The following IRX4 variants were observed in gnomAD, a reference collection of about 807,000 sequenced individuals.
The protein encoded by IRX4 is iroquois homeobox 4.
A neutral mutation model predicts 32.0 loss-of-function variants in IRX4; 22 were observed. The observed-to-expected ratio is 0.69, with a 90% CI of 0.49 to 0.98. IRX4 has a LOEUF of 0.98. Among genes scored for constraint, IRX4 ranks in the 50% least tolerant of loss-of-function variants. IRX4 has a pLI of 0.00. For missense variants in IRX4, 840 were observed against 744.2 expected (o/e 1.13, Z -1.50); for synonymous variants, 379 against 351.7 (o/e 1.08, Z -0.87).
intron 1 of IRX4, 67 bp from the exon 2 acceptor site, chr5:1,882,126 AT>A: frequency 6.7e-7 from 1 of 1,492,186 alleles, no homozygotes; most frequent in Non-Finnish European, 8.9e-7. Flanking sequence ...GGCCTTGCCA[AT>A]CCCGCGCGCC....
chr5:1,883,993 C>T (rs1735547828), upstream of IRX4: 1 of 152,318 alleles, frequency 6.6e-6, no homozygotes, highest in Non-Finnish European at 1.5e-5. Context: ...GTCTGGGGCG[C>T]ACGGAGCAAT....
At chr5:1,880,113 T>C (rs1178358343) in intron 3 of IRX4, 2 of 1,535,534 alleles carry the variant, frequency 1.3e-6, no homozygotes, top group Non-Finnish European at 1.7e-6. Flanking sequence ...GGCCAATTCC[T>C]TTATGGGGAT....
Position 1,877,700 on chromosome 5 carries a change from G to T in IRX4, c.*269C>A, listed in dbSNP as rs559941079. The T allele has an allele frequency of 1.6e-5, 8 of 486,208 alleles. No homozygotes were observed. In the South Asian group the frequency reaches 2.6e-4, roughly 16 times the overall value. The allele number at this position is 486,208 out of a possible 1,614,324, so 30.1% of individuals were successfully genotyped here. ...TTTGACGTAAACTTTATGCTTCAGG[G>T]TATCTGGCCTCTTCTGCTCCGAGAG... On this transcript the variant is annotated 3_prime_UTR_variant, in exon 5 of 5. Transcript: ENST00000231357.
chr5:1,877,598 C>T lies in IRX4; in HGVS notation c.*371G>A, dbSNP rs377187612. ...CGTGCTGAGGATGAAATCGGAGGCC[C>T]GACAGGCCCAGGAGGCCTCACGCCC... is the stretch of plus-strand genomic sequence containing the variant. On this transcript the variant is annotated 3_prime_UTR_variant, in exon 5 of 5. Transcript: ENST00000231357. 6 of 256,940 alleles carry T rather than the reference C, an allele frequency of 2.3e-5. No homozygotes were observed. Among genetic ancestry groups the T allele is most frequent in the African/African-American group, 4.5e-5 (2 of 44,166 alleles). 15.9% of individuals were successfully genotyped at this position (256,940 alleles called of 1,614,324 possible).
At position 1,877,847 on chromosome 5, in the gene IRX4, C is replaced by G; in HGVS notation, c.*122G>C. The G allele has an allele frequency of 1.1e-6, 1 of 909,528 alleles. No homozygotes were observed. The highest frequency in any genetic ancestry group is 3.0e-5 in the East Asian group (1 of 33,688). The allele number at this position is 909,528 out of a possible 1,614,324, so 56.3% of individuals were successfully genotyped here. On this transcript the variant is annotated 3_prime_UTR_variant, in exon 5 of 5. Transcript: ENST00000231357. ...CCCAGGAGTCCAAGTTCAGAAGCCC[C>G]CTCTCCGGTGGGTTGGCGGCTTCGC...
chr5:1,882,828 C>T lies in IRX4; in HGVS notation c.-181G>A. On this transcript the variant is annotated 5_prime_UTR_variant, in exon 1 of 5. Transcript: ENST00000231357. ...TCTAACCGGGTAACAAAGTGAGCAG[C>T]GGTGGCCGCCGCGATTCCTTTAACT... The T allele has an allele frequency of 2.6e-6, 1 of 390,480 alleles. No homozygotes were observed. The highest frequency in any genetic ancestry group is 4.6e-6 in the Non-Finnish European group (1 of 217,270). The allele number at this position is 390,480 out of a possible 1,614,324, so 24.2% of individuals were successfully genotyped here. A position where few individuals can be genotyped will look rare whatever the true frequency, so the allele number is the denominator to read the frequency against.
At position 1,878,123 on chromosome 5, in the gene IRX4, G is replaced by A. The variant is rs1211071129; in HGVS notation, c.1406C>T (p.Pro469Leu). ...GCCCGCCCCCAGCGAGCGTCCCAGA[G>A]GCCCGGGGTCCAGGAGGGCGCCCTT... ...TAKGALLDPG[P>L]LGRSLGAGAN... The change falls in exon 5 of 5, where the codon CCT becomes CTT. Residue 469 changes from proline to leucine, a missense_variant. Transcript: ENST00000231357. 6.5e-7 allele frequency: 1 copy of A among 1,546,616 alleles called. No homozygotes were observed. The highest frequency in any genetic ancestry group is 8.7e-7 in the Non-Finnish European group (1 of 1,151,714).
chr5:1,878,562 C>T lies in IRX4; in HGVS notation c.967G>A (p.Ala323Thr). Residue 323 changes from alanine (A) to threonine (T), a missense_variant, in exon 5 of 5, where the codon GCC becomes ACC. Around this residue, in one of 3 missense-constraint regions of IRX4, gnomAD observed 585 missense variants for 488.0 expected, o/e 1.20. Transcript: ENST00000231357. ...GAALDEDLERARSCLRSAAAG... is the reference protein window; with the variant it reads ...GAALDEDLERTRSCLRSAAAG... The stretch of plus-strand genomic sequence containing the variant: ...GCCGCGCTGCGGAGACAGCTCCGGG[C>T]CCTCTCCAGGTCCTCGTCCAGAGCA... 5.2e-6 allele frequency: 8 copies of T among 1,542,328 alleles called. No homozygotes were observed. The highest frequency in any genetic ancestry group is 7.0e-6 in the Non-Finnish European group (8 of 1,145,308).
chr5:1,882,205 C>A (rs1485019947), intron 1 of IRX4, 146 bp from the exon 2 acceptor site: 3 of 1,009,464 alleles, frequency 3.0e-6, no homozygotes, highest in Non-Finnish European at 1.4e-6. Flanking sequence ...TCGCCCCTTT[C>A]CACTAGCTTG....
chr5:1,878,729 T>C lies in IRX4; in HGVS notation c.800A>G (p.Glu267Gly), dbSNP rs747005381. Residue 267 changes from glutamate (E) to glycine (G), a missense_variant, in exon 5 of 5, where the codon GAA (glutamate) becomes GGA (glycine). This residue lies in a region of IRX4 where 585 missense variants were observed against 488.0 expected (regional missense o/e 1.20). Coordinates refer to ENST00000231357, the MANE Select transcript of IRX4 (RefSeq NM_016358.3). ...CAGCTCGCACGCCGGCGGCTCTGCT[T>C]CCAGCGGGTCGAAGTCGTCCAAGTC... ...LSDLDDFDPL[E>G]AEPPACELKP... The C allele has an allele frequency of 6.2e-7, 1 of 1,612,960 alleles. No individual in the cohort carries two copies. Among genetic ancestry groups the C allele is most frequent in the South Asian group, 1.1e-5 (1 of 91,078 alleles).
chr5:1,881,774 G>T, intron 2 of IRX4, 34 bp downstream of exon 2: 1 of 1,562,584 alleles, frequency 6.4e-7, no homozygotes. Flanking sequence ...TCGAGGGCCA[G>T]GGGCAGGGCA....
At position 1,879,454 on chromosome 5, in the gene IRX4, T is replaced by A. The variant is rs372719483; in HGVS notation, c.736+50A>T. On this transcript the variant is annotated intron_variant, in intron 4 of 4. Transcript: ENST00000231357. Reference sequence around the variant, plus strand: ...CGTCCTAGAACCGCAGAGAAGGCACTGTGCCTGCACTCCAGGGCCTCAGCC... The same window carrying A: ...CGTCCTAGAACCGCAGAGAAGGCACAGTGCCTGCACTCCAGGGCCTCAGCC... The A allele has an allele frequency of 7.4e-6, 12 of 1,611,962 alleles. No homozygotes were observed. The Admixed American group carries it at 1.0e-4, about 13-fold the overall frequency.
In IRX4 at chr5:1,882,667, G is replaced by A; in HGVS notation, c.-20C>T. The A allele has an allele frequency of 7.3e-7, 1 of 1,375,390 alleles. No individual in the cohort carries two copies. The highest frequency in any genetic ancestry group is 9.4e-7 in the Non-Finnish European group (1 of 1,061,358). 85.2% of individuals were successfully genotyped at this position (1,375,390 alleles called of 1,614,324 possible). On this transcript the variant is annotated 5_prime_UTR_variant, in exon 1 of 5. Coordinates refer to ENST00000231357, the MANE Select transcript of IRX4 (RefSeq NM_016358.3). ...GGACATGGCGGGCGCGGCCCGGGGC[G>A]GACGGGCGGGGCCTGCAGGGTTCTG...
chr5:1,881,331 C>T (rs1439275876), intron 2 of IRX4, among the ~76,000 whole-genome samples: 5 of 85,832 alleles, frequency 5.8e-5, no homozygotes, highest in African/African-American at 2.4e-4. Context: ...GGGGGAGGAG[C>T]AAGGGTGGGG....
chr5:1,881,822 C>G lies in IRX4; in HGVS notation c.283G>C (p.Ala95Pro). 1 of 1,563,966 alleles carries G rather than the reference C, an allele frequency of 6.4e-7. No individual in the cohort carries two copies. The highest frequency in any genetic ancestry group is 8.7e-7 in the Non-Finnish European group (1 of 1,155,324). The change falls in exon 2 of 5, where the codon GCC becomes CCC. Residue 95 changes from alanine (A) to proline (P), a missense_variant. Coordinates refer to ENST00000231357, the MANE Select transcript of IRX4 (RefSeq NM_016358.3). ...GCCCCACTTACCAGCGAGTAGAAGG[C>G]GGACGCCTCCGAGCCGTAGGTCACG... The part of the protein sequence containing the change: ...NYVTYGSEAS[A>P]FYSLNSFDSK...
rs140209114 is a variant in IRX4, at chr5:1,877,850, C to T, written c.*119G>A. On this transcript the variant is annotated 3_prime_UTR_variant, in exon 5 of 5. Transcript: ENST00000231357. Reference sequence around the variant, plus strand: ...AGGAGTCCAAGTTCAGAAGCCCCCTCTCCGGTGGGTTGGCGGCTTCGCGGT... The same window carrying T: ...AGGAGTCCAAGTTCAGAAGCCCCCTTTCCGGTGGGTTGGCGGCTTCGCGGT... The T allele has an allele frequency of 4.8e-5, 45 of 945,484 alleles. No homozygotes were observed. In the East Asian group the frequency reaches 1.1e-3, roughly 24 times the overall value. The allele number at this position is 945,484 out of a possible 1,614,324, so 58.6% of individuals were successfully genotyped here.
chr5:1,878,459 C>A lies in IRX4; in HGVS notation c.1070G>T (p.Gly357Val). ...CTTAGCCTCCAGGCCTGCCGACGCCCCCGCCGGCACAAACCCCAGCTTGGC... is the reference window on the plus strand; with the variant it reads ...CTTAGCCTCCAGGCCTGCCGACGCCACCGCCGGCACAAACCCCAGCTTGGC... ...CEAKLGFVPA[G>V]ASAGLEAKPR... Residue 357 changes from glycine to valine, a missense_variant, in exon 5 of 5, where the codon GGG becomes GTG. Physicochemically the swap from Gly to Val is moderately radical, Grantham distance 109. Coordinates refer to ENST00000231357, the MANE Select transcript of IRX4 (RefSeq NM_016358.3). 6.9e-7 allele frequency: 1 copy of A among 1,454,508 alleles called. No homozygotes were observed. The highest frequency in any genetic ancestry group is 9.0e-7 in the Non-Finnish European group (1 of 1,109,354). The allele number at this position is 1,454,508 out of a possible 1,614,324, so 90.1% of individuals were successfully genotyped here.
intron 2 of IRX4, chr5:1,881,099 G>C (rs1483105888): frequency 6.1e-6 from 3 of 492,552 alleles, no homozygotes; most frequent in South Asian, 4.3e-5. Context: ...TGTGGGGAGC[G>C]GGGATGTGGA....
chr5:1,880,197 G>C (rs952432057), intron 3 of IRX4: 1 of 1,407,574 alleles, frequency 7.1e-7, no homozygotes, highest in Non-Finnish European at 9.7e-7. Flanking sequence ...GATGTAACAC[G>C]TGTGGCAGGA....
Sources: allele counts gnomAD v4.1 joint callset (sites outside exome capture counted in the v4.1 genomes callset), GRCh38; gene constraint gnomAD v4.1.1; regional missense constraint gnomAD v4.1.1; transcripts MANE v1.5; gene names NCBI Gene and HGNC (gene_info 2026-07-23, HGNC 2026-07-21).